The following KARS1 variants were observed in gnomAD, a reference collection of about 807,000 sequenced individuals.
The protein encoded by KARS1 is lysine--tRNA ligase.
A neutral mutation model predicts 63.9 loss-of-function variants in KARS1; 50 were observed. The observed-to-expected ratio is 0.78, with a 90% confidence interval of 0.62 to 0.99. The LOEUF (loss-of-function observed/expected upper bound fraction) is 0.99, where lower values mean the gene tolerates loss of function less well. KARS1 is among the 50% of genes least tolerant of loss of function. The pLI, the probability that KARS1 is intolerant of heterozygous loss-of-function variation, is 0.00. For missense variants in KARS1, 816 were observed against 754.5 expected, an observed-to-expected ratio of 1.08 and a Z score of -0.95; for synonymous variants, 320 against 264.6, an observed-to-expected ratio of 1.21 and a Z score of -2.03.
At chr16:75,632,569 A>G (rs2082125229) in intron 7 of KARS1, among the ~76,000 whole-genome samples, 2 of 152,208 alleles carry the variant, frequency 1.3e-5, no homozygotes, top group Admixed American at 1.3e-4. Context: ...AGTCACACGT[A>G]GCTTTTAGAT....
At position 75,629,546 on chromosome 16, in the gene KARS1, G is replaced by A. The variant is rs769694206; in HGVS notation, c.1425-5C>T. The A allele has an allele frequency of 1.2e-6, 2 of 1,613,942 alleles. No homozygotes were observed. Among genetic ancestry groups the A allele is most frequent in the Middle Eastern group, 1.7e-4 (1 of 6,058 alleles). ...AGACCCTCTTTAGAGCGGTGCCTAG[G>A]GACAGGAGACCAAAGAGGAGGCTGA... On this transcript the variant is annotated splice_region_variant and splice_polypyrimidine_tract_variant and intron_variant, in intron 11 of 13. Coordinates refer to ENST00000302445, the MANE Select transcript of KARS1 (RefSeq NM_005548.3).
At chr16:75,645,039 T>C (rs986776945) in intron 1 of KARS1, among the ~76,000 whole-genome samples, 2 of 152,214 alleles carry the variant, frequency 1.3e-5, no homozygotes, top group African/African-American at 4.8e-5. Context: ...ATTACAGAGA[T>C]CACCTTCTTT....
intron 12 of KARS1, 71 bp from the exon 13 acceptor site, chr16:75,628,783 C>T: frequency 1.9e-6 from 3 of 1,544,930 alleles, no homozygotes; most frequent in Non-Finnish European, 2.7e-6. Flanking sequence ...AACATGTTAC[C>T]AGGCTCCGAG....
intron 11 of KARS1, 33 bp downstream of exon 11, chr16:75,630,390 C>A (rs1423571821): frequency 1.2e-5 from 15 of 1,296,240 alleles, no homozygotes; most frequent in Non-Finnish European, 1.6e-5. Context: ...AGTTTTGGGG[C>A]TGTTATGCAG....
rs1216353804 is a variant in KARS1 at position 75,641,740 on chromosome 16, A to G, written c.63-17T>C. 2 of 1,613,252 alleles carry G rather than the reference A, an allele frequency of 1.2e-6. No individual in the cohort carries two copies. The highest frequency in any genetic ancestry group is 2.7e-5 in the African/African-American group (2 of 75,028). ...TTCAGCTCACTGTTGGAAAGATGAA[A>G]GCGTTCAATGTGTTAGCTGCCTGAA... On this transcript the variant is annotated splice_polypyrimidine_tract_variant and intron_variant, in intron 1 of 13. Coordinates refer to ENST00000302445, the MANE Select transcript of KARS1 (RefSeq NM_005548.3).
chr16:75,636,368 T>C, intron 4 of KARS1, 86 bp downstream of exon 4: 1 of 956,526 alleles, frequency 1.0e-6, no homozygotes, highest in Admixed American at 1.7e-5. Context: ...TACTCTAACT[T>C]CAAATACCAG....
intron 3 of KARS1, among the ~76,000 whole-genome samples, chr16:75,637,839 ACAGCCAGGCTCCCTTCTAGGAC>A: frequency 1.3e-5 from 2 of 150,522 alleles, no homozygotes; most frequent in African/African-American, 2.4e-5. Context: ...AACCCTCTCA[ACAGCCAGGCTCCCTTCTAGGAC>A]AAGACCGTAA....
At chr16:75,634,042 C>G in intron 7 of KARS1, 131 bp downstream of exon 7, 1 of 945,210 alleles carries the variant, frequency 1.1e-6, no homozygotes, top group South Asian at 1.3e-5. Flanking sequence ...ATCCACACAC[C>G]TGACCCATCA....
Position 75,631,840 on chromosome 16 carries a change from C to T in KARS1, c.931G>A (p.Gly311Ser), listed in dbSNP as rs754699382. 6.2e-7 allele frequency: 1 copy of T among 1,614,038 alleles called. No individual in the cohort carries two copies. Among genetic ancestry groups the T allele is most frequent in the Non-Finnish European group, 8.5e-7 (1 of 1,180,034 alleles). ...CCAATTTCATAAACCCGGTCGATGC[C>T]ACCAACCACAAGCATCTAACAACAA... ...ELYHKMLVVG[G>S]IDRVYEIGRQ... Residue 311 changes from glycine to serine, a missense_variant, in exon 8 of 14, where the codon GGC (glycine) becomes AGC (serine). By Grantham distance (56) the Gly-to-Ser change is moderately conservative. Transcript: ENST00000302445.
intron 1 of KARS1, among the ~76,000 whole-genome samples, chr16:75,646,246 G>GA (rs1382805733): frequency 6.6e-6 from 1 of 152,132 alleles, no homozygotes; most frequent in Non-Finnish European, 1.5e-5. Flanking sequence ...GACACAAAAG[G>GA]AAACATCAGG....
chr16:75,629,279 G>T, intron 12 of KARS1, 136 bp downstream of exon 12: 1 of 1,039,764 alleles, frequency 9.6e-7, no homozygotes, highest in Non-Finnish European at 1.5e-6. Context: ...CTTGAAATGT[G>T]ACTCCTCCAG....
intron 2 of KARS1, among the ~76,000 whole-genome samples, chr16:75,640,598 A>C (rs1449674385): frequency 1.3e-5 from 2 of 152,240 alleles, no homozygotes; most frequent in Admixed American, 6.5e-5. Context: ...GCCTAAAATC[A>C]TAAAAGTTTA....
At chr16:75,632,244 C>G (rs531396619) in intron 7 of KARS1, among the ~76,000 whole-genome samples, 9 of 152,196 alleles carry the variant, frequency 5.9e-5, no homozygotes, top group African/African-American at 1.4e-4. Flanking sequence ...CTCCAAAAGC[C>G]GTAACTTGGT....
intron 7 of KARS1, 38 bp downstream of exon 7, chr16:75,634,135 G>A (rs557354682): frequency 1.6e-5 from 25 of 1,607,934 alleles, no homozygotes; most frequent in Middle Eastern, 3.3e-4. Context: ...CCAGCTTTCT[G>A]CTTCTTTAAG....
intron 3 of KARS1, among the ~76,000 whole-genome samples, chr16:75,637,333 T>C (rs537597364): frequency 6.7e-6 from 1 of 150,288 alleles, no homozygotes; most frequent in East Asian, 2.0e-4. Context: ...AAATGGGGTA[T>C]GGGAGGGATC....
At chr16:75,630,151 C>G (rs2082095630) in intron 11 of KARS1, among the ~76,000 whole-genome samples, 1 of 152,158 alleles carries the variant, frequency 6.6e-6, no homozygotes, top group African/African-American at 2.4e-5. Context: ...CCCTTAGAGC[C>G]CAACCACCAT....
At chr16:75,644,047 G>C (rs546862557) in intron 1 of KARS1, among the ~76,000 whole-genome samples, 4 of 152,304 alleles carry the variant, frequency 2.6e-5, no homozygotes, top group African/African-American at 9.6e-5. Flanking sequence ...TTCAAACAAA[G>C]GTTTTGTTCT....
intron 9 of KARS1, 24 bp downstream of exon 9, chr16:75,631,392 G>A (rs190187794): frequency 3.7e-6 from 6 of 1,612,668 alleles, no homozygotes; most frequent in African/African-American, 1.3e-5. Context: ...CCTTACAACG[G>A]AGGAGTGAGT....
chr16:75,647,533 G>A (rs1315362956), intron 1 of KARS1, 45 bp downstream of exon 1: 1 of 1,582,316 alleles, frequency 6.3e-7, no homozygotes, highest in Non-Finnish European at 8.7e-7. Context: ...TCCCAGCCCA[G>A]ACTCTCCTAC....
Sources: allele counts gnomAD v4.1 joint callset (sites outside exome capture counted in the v4.1 genomes callset), GRCh38; gene constraint gnomAD v4.1.1; transcripts MANE v1.5; gene names NCBI Gene and HGNC (gene_info 2026-07-23, HGNC 2026-07-21).